RIMS1: variants seen among roughly 807,000 people sequenced by gnomAD.
RIMS1 encodes regulating synaptic membrane exocytosis protein 1.
RIMS1 carries 83 observed loss-of-function variants against 214.1 expected under a neutral mutation model. The observed-to-expected ratio is 0.39, with a 90% CI of 0.32 to 0.47. RIMS1 has a LOEUF of 0.47. RIMS1 is among the 20% of genes least tolerant of loss of function. RIMS1 has a pLI of 0.99. For missense variants in RIMS1, 2,050 were observed against 2,161.8 expected (o/e 0.95, Z 1.03); for synonymous variants, 793 against 786.8 (o/e 1.01, Z -0.13).
chr6:72,211,478 T>A (rs1417522216), intron 6 of RIMS1, among the ~76,000 whole-genome samples: 2 of 152,194 alleles, frequency 1.3e-5, no homozygotes, highest in Admixed American at 1.3e-4. Context: ...GGATATTACA[T>A]AAGTGAGTCA....
intron 6 of RIMS1, among the ~76,000 whole-genome samples, chr6:72,222,684 T>C (rs1302946391): frequency 6.6e-6 from 1 of 152,188 alleles, no homozygotes; most frequent in East Asian, 1.9e-4. Context: ...ATTGTTTTAA[T>C]TAAAGTTTAT....
Position 72,290,773 on chromosome 6 carries a change from T to A in RIMS1, c.3649T>A (p.Ser1217Thr). 6.2e-7 allele frequency: 1 copy of A among 1,613,806 alleles called. No individual in the cohort carries two copies. The highest frequency in any genetic ancestry group is 8.5e-7 in the Non-Finnish European group (1 of 1,179,776). Residue 1217 changes from serine to threonine, a missense_variant, in exon 25 of 34, where the codon TCG becomes ACG. Ser to Thr is a moderately conservative substitution (Grantham distance 58). Coordinates refer to ENST00000521978, the MANE Select transcript of RIMS1 (RefSeq NM_014989.7). Reference sequence around the variant, plus strand: ...GGGAAAACATCCTGCTCGCTCAAGGTCGAGTGAGCACTCTAGTATCAGAAC... The same window carrying A: ...GGGAAAACATCCTGCTCGCTCAAGGACGAGTGAGCACTCTAGTATCAGAAC... ...IRGKHPARSRSSEHSSIRTLC... is the reference protein window; with the variant it reads ...IRGKHPARSRTSEHSSIRTLC...
rs557122651 is a variant in RIMS1 at position 72,224,281 on chromosome 6, G to A, written c.1679-9492G>A. Among the ~76,000 whole-genome samples, 15 of 152,270 alleles carry A rather than the reference G, an allele frequency of 9.9e-5. No individual in the cohort carries two copies. In the East Asian group the frequency reaches 2.5e-3, roughly 25 times the overall value. On this transcript the variant is annotated intron_variant, in intron 6 of 33. Coordinates refer to ENST00000521978, the MANE Select transcript of RIMS1 (RefSeq NM_014989.7). ...AAAATATAAATTGATTTACCACATA[G>A]CCCTCACAAAGACTTCTGTATATAT...
chr6:71,913,201 T>A (rs1332520421), intron 1 of RIMS1, among the ~76,000 whole-genome samples: 2 of 152,156 alleles, frequency 1.3e-5, no homozygotes, highest in Non-Finnish European at 2.9e-5. Flanking sequence ...ATCATTAAAA[T>A]TAGTAATATA....
At position 72,182,827 on chromosome 6, in the gene RIMS1, C is replaced by T. The variant is rs1410601057; in HGVS notation, c.1356C>T (p.Pro452=). The change falls in exon 6 of 34, where the codon CCC becomes CCT. Residue 452 remains proline, a synonymous_variant. Coordinates refer to ENST00000521978, the MANE Select transcript of RIMS1 (RefSeq NM_014989.7). The stretch of plus-strand genomic sequence containing the variant: ...TAACGAACCACAGCCCGCCGGCGCC[C>T]AGACATGGGCCGGTTCCCGCAGAAG... ...KQLTNHSPPA[P]RHGPVPAEAP... is the part of the protein sequence containing the mutation. The T allele has an allele frequency of 1.3e-6, 2 of 1,550,964 alleles. No homozygotes were observed. The highest frequency in any genetic ancestry group is 1.7e-6 in the Non-Finnish European group (2 of 1,150,448).
rs536256152 is a variant in RIMS1 at position 72,153,861 on chromosome 6, CT to C, written c.472-25708del. Among the ~76,000 whole-genome samples, 18 of 152,152 alleles carry C rather than the reference CT, an allele frequency of 1.2e-4. No homozygotes were observed. In the East Asian group the frequency reaches 2.7e-3, roughly 23 times the overall value. Reference sequence around the variant, plus strand: ...ACAGGTGGTTGTAATCCTATATAAACTTTTTTATAGTTTAAAATTTTAAAAA... The same window carrying C: ...ACAGGTGGTTGTAATCCTATATAAACTTTTTATAGTTTAAAATTTTAAAAA... On this transcript the variant is annotated intron_variant, in intron 4 of 33. Transcript: ENST00000521978.
At chr6:72,341,501 A>G (rs182425173) in intron 29 of RIMS1, among the ~76,000 whole-genome samples, 4 of 151,954 alleles carry the variant, frequency 2.6e-5, no homozygotes, top group Admixed American at 2.6e-4. Flanking sequence ...AGACATCTAT[A>G]AATGTAAAAT....
chr6:71,936,539 T>C (rs1328435607), intron 1 of RIMS1, among the ~76,000 whole-genome samples: 1 of 152,150 alleles, frequency 6.6e-6, no homozygotes, highest in African/African-American at 2.4e-5. Context: ...TTCTTCCCTT[T>C]GGAAATAGTA....
At chr6:72,144,433 G>C (rs546171154) in intron 4 of RIMS1, among the ~76,000 whole-genome samples, 1 of 152,096 alleles carries the variant, frequency 6.6e-6, no homozygotes, top group East Asian at 1.9e-4. Flanking sequence ...CACTTTGCCC[G>C]CTGGGGTCCT....
intron 2 of RIMS1, among the ~76,000 whole-genome samples, chr6:72,023,072 T>C (rs1815229235): frequency 6.6e-6 from 1 of 152,138 alleles, no homozygotes; most frequent in African/African-American, 2.4e-5. Flanking sequence ...GCTGTTTCTG[T>C]TTGGAGTGAT....
chr6:72,125,068 T>A (rs946694908), intron 4 of RIMS1, among the ~76,000 whole-genome samples: 1 of 152,178 alleles, frequency 6.6e-6, no homozygotes, highest in African/African-American at 2.4e-5. Flanking sequence ...CACTCTGGAT[T>A]TTAGAATTTT....
chr6:72,010,137 C>CA (rs1809811789), intron 2 of RIMS1, among the ~76,000 whole-genome samples: 1 of 152,146 alleles, frequency 6.6e-6, no homozygotes, highest in Non-Finnish European at 1.5e-5. Context: ...CCACCATGAT[C>CA]AAGTGGGCTT....
intron 4 of RIMS1, among the ~76,000 whole-genome samples, chr6:72,135,010 T>A (rs921833746): frequency 6.6e-6 from 1 of 152,096 alleles, no homozygotes; most frequent in African/African-American, 2.4e-5. Context: ...TTTCGTTAAA[T>A]GATAATAATA....
At chr6:72,156,326 A>T (rs1253444541) in intron 4 of RIMS1, among the ~76,000 whole-genome samples, 1 of 140,942 alleles carries the variant, frequency 7.1e-6, no homozygotes, top group East Asian at 2.0e-4. Flanking sequence ...AACCTGGATG[A>T]ACCTGGAGGA....
At chr6:71,949,436 C>A (rs989788063) in intron 1 of RIMS1, among the ~76,000 whole-genome samples, 20 of 152,236 alleles carry the variant, frequency 1.3e-4, no homozygotes, top group Non-Finnish European at 2.5e-4. Context: ...CACCAATTTT[C>A]TTTTACACAC....
intron 29 of RIMS1, among the ~76,000 whole-genome samples, chr6:72,368,494 C>T (rs1259322753): frequency 6.6e-6 from 1 of 151,274 alleles, no homozygotes; most frequent in Non-Finnish European, 1.5e-5. Flanking sequence ...AGGGATTTCA[C>T]CGTGTTAGCC....
chr6:72,183,147 A>G lies in RIMS1; in HGVS notation c.1676A>G (p.Lys559Arg), dbSNP rs1432172292. Residue 559 changes from lysine to arginine, a missense_variant and splice_region_variant, in exon 6 of 34, where the codon AAA becomes AGA. By Grantham distance (26) the Lys-to-Arg change is conservative. This residue lies in a region of RIMS1 where 882 missense variants were observed against 828.9 expected (regional missense o/e 1.06). Transcript: ENST00000521978. ...CTGGAGAGCGAGAGCGTCAGCGAGA[A>G]AGGTAAGGGGGCGGCGCCGGCCGTG... ...VELESESVSEKGDLDYYWLDP... is the reference protein window; with the variant it reads ...VELESESVSERGDLDYYWLDP... 1 of 1,591,434 alleles carries G rather than the reference A, an allele frequency of 6.3e-7. No homozygotes were observed.
At chr6:71,912,111 T>A (rs1001946889) in intron 1 of RIMS1, among the ~76,000 whole-genome samples, 19 of 152,264 alleles carry the variant, frequency 1.2e-4, no homozygotes, top group African/African-American at 4.6e-4. Context: ...AAGAGAAGAA[T>A]TTGGAATTAG....
intron 4 of RIMS1, among the ~76,000 whole-genome samples, chr6:72,174,417 T>A (rs1373332797): frequency 6.6e-6 from 1 of 152,158 alleles, no homozygotes; most frequent in African/African-American, 2.4e-5. Context: ...ATTTTGCAAA[T>A]TATACAGAGA....
Sources: allele counts gnomAD v4.1 joint callset (sites outside exome capture counted in the v4.1 genomes callset), GRCh38; gene constraint gnomAD v4.1.1; regional missense constraint gnomAD v4.1.1; transcripts MANE v1.5; gene names NCBI Gene and HGNC (gene_info 2026-07-23, HGNC 2026-07-21).